The following MBP variants were observed in gnomAD, a reference collection of about 807,000 sequenced individuals.
MBP encodes the protein Golli-MBP.
Under a neutral mutation model 35.8 loss-of-function variants are expected in MBP, and 16 were observed. The ratio of observed to expected loss-of-function variants is 0.45; its 90% CI spans 0.30 to 0.68. The LOEUF is 0.68. MBP is among the 30% of genes least tolerant of loss of function. The pLI, the probability that MBP is intolerant of heterozygous loss-of-function variation, is 0.08. For missense variants in MBP, 380 were observed against 404.7 expected (o/e 0.94, Z 0.52); for synonymous variants, 143 against 159.6 (o/e 0.90, Z 0.78).
At chr18:77,052,149 A>G (rs2144701612) in intron 3 of MBP, among the ~76,000 whole-genome samples, 1 of 152,302 alleles carries the variant, frequency 6.6e-6, no homozygotes, top group Admixed American at 6.5e-5. Flanking sequence ...CCCGACCAGG[A>G]ACGGGGGAAG....
chr18:77,060,420 T>C (rs574917004), intron 3 of MBP, among the ~76,000 whole-genome samples: 1 of 150,062 alleles, frequency 6.7e-6, no homozygotes, highest in Non-Finnish European at 1.5e-5. Context: ...CATCCTGTAA[T>C]GGAGTATAAC....
Position 76,980,126 on chromosome 18 carries a change from C to T in MBP, c.*301G>A, listed in dbSNP as rs149219355. On this transcript the variant is annotated 3_prime_UTR_variant, in exon 9 of 9. Transcript: ENST00000355994. Reference sequence around the variant, plus strand: ...GGGTGGAGGGGTGAACGTGGAGGGACGTCTGTGCACCTGGCCCCCTGAAGA... The same window carrying T: ...GGGTGGAGGGGTGAACGTGGAGGGATGTCTGTGCACCTGGCCCCCTGAAGA... 7.8e-5 allele frequency: 52 copies of T among 669,318 alleles called. 1 individual carries two copies. In the Admixed American group the frequency reaches 1.0e-3, roughly 13 times the overall value. The allele number at this position is 669,318 out of a possible 1,614,324, so 41.5% of individuals were successfully genotyped here.
intron 3 of MBP, among the ~76,000 whole-genome samples, chr18:77,040,573 C>A (rs1016643376): frequency 2.6e-5 from 4 of 152,170 alleles, no homozygotes; most frequent in Admixed American, 6.5e-5. Context: ...GTACTGGTAC[C>A]ACAACAGATA....
intron 4 of MBP, among the ~76,000 whole-genome samples, chr18:76,998,343 ACCTTC>A (rs1568276015): frequency 0.043 from 1,321 of 31,026 alleles, 22 homozygotes; most frequent in African/African-American, 0.11. Flanking sequence ...ATCCCCTTCC[ACCTTC>A]CACCGTTAGG....
chr18:77,101,827 G>A lies in MBP; in HGVS notation c.51+3384C>T, dbSNP rs755520079. Among the ~76,000 whole-genome samples the A allele has an allele frequency of 2.6e-4, 39 of 152,134 alleles. No homozygotes were observed. Among genetic ancestry groups the A allele is most frequent in the Non-Finnish European group, 4.0e-4 (27 of 68,020 alleles). ...CTGGAAGCTCCTGCAGGCAACAGAC[G>A]AGGCCTCCCCACCACCTCCCCAGCA... is the stretch of plus-strand genomic sequence containing the variant. On this transcript the variant is annotated intron_variant, in intron 2 of 8. Coordinates refer to ENST00000355994, the MANE Select transcript of MBP (RefSeq NM_001025101.2). This position sits in a 1 kb window ranked among gnomAD's most constrained non-coding sequence, Gnocchi z 4.3.
At chr18:76,984,593 A>C in intron 8 of MBP, 182 bp downstream of exon 8, 1 of 750,248 alleles carries the variant, frequency 1.3e-6, no homozygotes. Context: ...TCTCGGAGGA[A>C]ATCCACGCGT....
intron 7 of MBP, 68 bp from the exon 8 acceptor site, chr18:76,984,962 A>G: frequency 6.3e-7 from 1 of 1,594,822 alleles, no homozygotes; most frequent in Non-Finnish European, 8.5e-7. Flanking sequence ...AGCCACTGGG[A>G]GCTGCCACCA....
At chr18:77,030,831 C>CT (rs1383205083) in intron 3 of MBP, among the ~76,000 whole-genome samples, 1 of 152,192 alleles carries the variant, frequency 6.6e-6, no homozygotes, top group African/African-American at 2.4e-5. Context: ...ACCGGGGCCA[C>CT]TGTGTGATCT....
rs973903534 is a variant in MBP, at chr18:76,985,098, C to T, written c.751-204G>A. On this transcript the variant is annotated intron_variant, in intron 7 of 8. Coordinates refer to ENST00000355994, the MANE Select transcript of MBP (RefSeq NM_001025101.2). ...CCCCCAGGTCTACCAGGGTGTTGGC[C>T]GCAGAGAGAGGAGGGCTCTGGTTTG... The T allele has an allele frequency of 1.1e-5, 16 of 1,523,378 alleles. No individual in the cohort carries two copies. In the East Asian group the frequency reaches 1.7e-4, roughly 16 times the overall value. The allele number at this position is 1,523,378 out of a possible 1,614,324, so 94.4% of individuals were successfully genotyped here. A position where few individuals can be genotyped will look rare whatever the true frequency, so the allele number is the denominator to read the frequency against.
At chr18:77,053,624 CAT>C (rs1486202575) in intron 3 of MBP, among the ~76,000 whole-genome samples, 3 of 152,240 alleles carry the variant, frequency 2.0e-5, no homozygotes, top group African/African-American at 7.2e-5. Context: ...TGAGCTGTAG[CAT>C]AGAGGCAGAA....
At chr18:77,121,424 C>G (rs1976882194) in intron 1 of MBP, among the ~76,000 whole-genome samples, 2 of 152,182 alleles carry the variant, frequency 1.3e-5, no homozygotes, top group African/African-American at 4.8e-5. Flanking sequence ...CCTAATGAGG[C>G]TTTAACCCTG....
rs533133729 is a variant in MBP, at chr18:77,017,108, C to T, written c.300G>A (p.Pro100=). The change falls in exon 4 of 9, where the codon CCG becomes CCA. Residue 100 remains proline, a synonymous_variant. Transcript: ENST00000355994. ...HLIRLFSRDA[P]GREDNTFKDR... ...CTTTGAAGGTGTTGTCCTCCCTCCC[C>T]GGGGCATCTCGGGAAAAGAGGCGGA... The T allele has an allele frequency of 1.1e-5, 17 of 1,591,432 alleles. No homozygotes were observed. Among genetic ancestry groups the T allele is most frequent in the African/African-American group, 6.7e-5 (5 of 74,232 alleles).
At chr18:77,091,292 A>C (rs1265499626) in intron 2 of MBP, among the ~76,000 whole-genome samples, 1 of 152,236 alleles carries the variant, frequency 6.6e-6, no homozygotes, top group Non-Finnish European at 1.5e-5. Context: ...AATTGTGCTC[A>C]AGCATAATTT....
At chr18:77,077,953 G>A (rs1482746725) in intron 2 of MBP, among the ~76,000 whole-genome samples, 1 of 152,198 alleles carries the variant, frequency 6.6e-6, no homozygotes, top group Non-Finnish European at 1.5e-5. Context: ...TCCCTGTGGA[G>A]GGATTATCCC....
intron 3 of MBP, among the ~76,000 whole-genome samples, chr18:77,063,578 G>A (rs1974072495): frequency 6.6e-6 from 1 of 152,200 alleles, no homozygotes; most frequent in African/African-American, 2.4e-5. Context: ...CGGCAGATAT[G>A]CGAGCCTTGC....
chr18:77,064,747 G>A (rs182924216), intron 3 of MBP, among the ~76,000 whole-genome samples: 94 of 152,348 alleles, frequency 6.2e-4, no homozygotes, highest in Middle Eastern at 6.8e-3. Flanking sequence ...TCATGCTAGG[G>A]AATGTGGCCA....
At chr18:77,009,722 G>T in intron 4 of MBP, 2 of 803,822 alleles carry the variant, frequency 2.5e-6, no homozygotes, top group Non-Finnish European at 2.0e-6. Context: ...CGGCCTCACA[G>T]ATGCCCCGGA....
In MBP at chr18:76,988,767, G is replaced by T; in HGVS notation, c.717+110C>A. ...TGGGAGCTGCCTGGCAACACGTTTT[G>T]GGATGGATTCTGGTAGCTCGGAGCC... is the stretch of plus-strand genomic sequence containing the variant. On this transcript the variant is annotated intron_variant, in intron 6 of 8. Transcript: ENST00000355994. This position sits in a 1 kb window ranked among gnomAD's most constrained non-coding sequence, Gnocchi z 5.2. The T allele has an allele frequency of 7.1e-7, 1 of 1,399,664 alleles. No individual in the cohort carries two copies. Among genetic ancestry groups the T allele is most frequent in the Non-Finnish European group, 9.8e-7 (1 of 1,015,472 alleles). 86.7% of individuals were successfully genotyped at this position (1,399,664 alleles called of 1,614,324 possible).
chr18:77,086,061 C>A (rs1290361175), intron 2 of MBP, among the ~76,000 whole-genome samples: 1 of 152,208 alleles, frequency 6.6e-6, no homozygotes, highest in East Asian at 1.9e-4. Context: ...ACTGCATCTG[C>A]ATTCTAGTTC....
Sources: allele counts gnomAD v4.1 joint callset (sites outside exome capture counted in the v4.1 genomes callset), GRCh38; gene constraint gnomAD v4.1.1; non-coding constraint Gnocchi (gnomAD v3.1); transcripts MANE v1.5; gene names NCBI Gene and HGNC (gene_info 2026-07-23, HGNC 2026-07-21).